Variants in ABLIM1 observed in about 807,000 individuals in gnomAD.
The protein encoded by ABLIM1 is actin binding LIM protein 1.
In ABLIM1, 40 loss-of-function variants were observed where a neutral mutation model predicts 107.0. That is an observed-to-expected ratio of 0.37 (90% CI 0.29 to 0.49). ABLIM1 has a LOEUF of 0.49. Ranked by LOEUF, ABLIM1 falls within the 20% of genes least tolerant of loss-of-function variation. ABLIM1 has a pLI of 0.97. For missense variants in ABLIM1, 857 were observed against 1,008.5 expected (o/e 0.85, Z 2.04); for synonymous variants, 357 against 357.3 (o/e 1.00, Z 0.01).
At chr10:114,692,646 C>A (rs1289647385) in intron 1 of ABLIM1, among the ~76,000 whole-genome samples, 1 of 152,162 alleles carries the variant, frequency 6.6e-6, no homozygotes, top group East Asian at 1.9e-4. Context: ...AATCCCAGCA[C>A]TTTGGGAGGC....
At chr10:114,644,302 AAAAAAT>A (rs1449848906) in intron 1 of ABLIM1, among the ~76,000 whole-genome samples, 7 of 72,496 alleles carry the variant, frequency 9.7e-5, no homozygotes, top group African/African-American at 3.4e-4. Context: ...AAAAAAAAAA[AAAAAAT>A]ATATATATAT....
chr10:114,738,418 C>T (rs1279573316), intron 1 of ABLIM1, among the ~76,000 whole-genome samples: 3 of 152,110 alleles, frequency 2.0e-5, no homozygotes, highest in African/African-American at 7.2e-5. Context: ...GAAATTCAGG[C>T]ATCTAGAGAA....
At chr10:114,639,589 C>A (rs562935122) in intron 1 of ABLIM1, among the ~76,000 whole-genome samples, 1 of 152,214 alleles carries the variant, frequency 6.6e-6, no homozygotes, top group African/African-American at 2.4e-5. Flanking sequence ...TGGTATGAGA[C>A]GTTCCACTTG....
In ABLIM1 at chr10:114,603,003, T is replaced by C. The variant is rs78529674; in HGVS notation, c.245-1042A>G. 8.5e-5 allele frequency among the ~76,000 whole-genome samples: 13 copies of C among 152,280 alleles called. No individual in the cohort carries two copies. In the East Asian group the frequency reaches 2.5e-3, roughly 29 times the overall value. ...AGGCAGTGTTTGCTACCAAATTCCT[T>C]TTTTGATGTGGGGCCTCAGAAGGAG... On this transcript the variant is annotated intron_variant, in intron 1 of 22. Transcript: ENST00000533213.
At chr10:114,772,078 G>C (rs535804762), upstream of ABLIM1, among the ~76,000 whole-genome samples, 1 of 152,078 alleles carries the variant, frequency 6.6e-6, no homozygotes, top group Admixed American at 6.6e-5. Context: ...AAGCTTAAAG[G>C]CACACTGAAC....
intron 6 of ABLIM1, among the ~76,000 whole-genome samples, chr10:114,539,492 A>C (rs1474237852): frequency 7.2e-5 from 11 of 152,210 alleles, no homozygotes; most frequent in Admixed American, 6.5e-5. Flanking sequence ...AGATGGTTAT[A>C]CCTTTGTAAA....
At chr10:114,764,467 G>A (rs1421326139) in intron 1 of ABLIM1, among the ~76,000 whole-genome samples, 2 of 151,736 alleles carry the variant, frequency 1.3e-5, no homozygotes, top group African/African-American at 4.8e-5. Flanking sequence ...TCAGCCTCCC[G>A]AGTAGCTGGG....
chr10:114,641,731 C>T (rs534767542), intron 1 of ABLIM1, among the ~76,000 whole-genome samples: 6 of 152,124 alleles, frequency 3.9e-5, no homozygotes, highest in Non-Finnish European at 5.9e-5. Context: ...TAAGTGCAAA[C>T]GTCCTGAGAC....
chr10:114,571,184 A>T, intron 4 of ABLIM1, 113 bp downstream of exon 4: 2 of 841,128 alleles, frequency 2.4e-6, no homozygotes, highest in Non-Finnish European at 3.9e-6. Context: ...CTATTCAAGT[A>T]GATAGATGAC....
chr10:114,718,023 GA>G (rs2081724557), intron 1 of ABLIM1, among the ~76,000 whole-genome samples: 7 of 120,266 alleles, frequency 5.8e-5, no homozygotes, highest in African/African-American at 2.3e-4. Flanking sequence ...AGGAAGGAAG[GA>G]AGGAAGGAGA....
chr10:114,754,607 G>T (rs934973774), intron 1 of ABLIM1, among the ~76,000 whole-genome samples: 1 of 152,180 alleles, frequency 6.6e-6, no homozygotes, highest in Non-Finnish European at 1.5e-5. Context: ...AGGGGGAAAG[G>T]TTGCCTCCAA....
intron 1 of ABLIM1, among the ~76,000 whole-genome samples, chr10:114,649,012 T>A (rs1056410399): frequency 6.6e-6 from 1 of 152,116 alleles, no homozygotes; most frequent in Non-Finnish European, 1.5e-5. Context: ...AGAGGAGAGC[T>A]AGGGTCTTAA....
intron 1 of ABLIM1, among the ~76,000 whole-genome samples, chr10:114,731,026 G>A (rs2082061906): frequency 6.6e-6 from 1 of 152,066 alleles, no homozygotes; most frequent in Non-Finnish European, 1.5e-5. Context: ...ATATACCATT[G>A]TACGGATACA....
intron 1 of ABLIM1, among the ~76,000 whole-genome samples, chr10:114,620,325 T>G (rs754053109): frequency 5.3e-5 from 8 of 152,234 alleles, no homozygotes; most frequent in Non-Finnish European, 1.2e-4. Context: ...GGGGTAGGCA[T>G]GGTGGACAGG....
chr10:114,779,919 T>A, the ABLIM1 span: 2 of 152,124 alleles, frequency 1.3e-5, no homozygotes, highest in Non-Finnish European at 2.9e-5. Context: ...GTTGACTTTT[T>A]TTTTTTTAAT....
intron 8 of ABLIM1, among the ~76,000 whole-genome samples, chr10:114,476,145 T>A (rs575201301): frequency 6.6e-6 from 1 of 152,332 alleles, no homozygotes; most frequent in East Asian, 1.9e-4. Flanking sequence ...ATCTTTGAGA[T>A]GCTAGGGTGG....
chr10:114,730,801 A>G (rs957101617), intron 1 of ABLIM1, among the ~76,000 whole-genome samples: 8 of 152,084 alleles, frequency 5.3e-5, no homozygotes, highest in Non-Finnish European at 1.2e-4. Context: ...CCTTGTGTCC[A>G]TTTGCAGTCA....
chr10:114,780,505 G>A, the ABLIM1 span, among the ~76,000 whole-genome samples: 1 of 152,184 alleles, frequency 6.6e-6, no homozygotes, highest in South Asian at 2.1e-4. Context: ...AAAGCAGAGG[G>A]GACTTCCTTA....
the ABLIM1 span, among the ~76,000 whole-genome samples, chr10:114,788,181 C>T: frequency 3.1e-4 from 47 of 151,284 alleles, 1 homozygote; most frequent in South Asian, 9.8e-3. Flanking sequence ...TACCCAGGGA[C>T]ACAAACACTG....
Sources: allele counts gnomAD v4.1 joint callset (sites outside exome capture counted in the v4.1 genomes callset), GRCh38; gene constraint gnomAD v4.1.1; transcripts MANE v1.5; gene names NCBI Gene and HGNC (gene_info 2026-07-23, HGNC 2026-07-21).